Variants in CPT1A observed in about 807,000 individuals in gnomAD.
CPT1A encodes carnitine palmitoyltransferase 1A.
Under a neutral mutation model 100.8 loss-of-function variants are expected in CPT1A, and 64 were observed. The ratio of observed to expected loss-of-function variants is 0.63; its 90% confidence interval spans 0.52 to 0.78. CPT1A has a LOEUF of 0.78. CPT1A is among the 30% of genes least tolerant of loss of function. The probability of loss-of-function intolerance (pLI) is 0.00; values close to 1 mark genes in which losing one functional copy is unlikely to be tolerated. For synonymous variants in CPT1A, 363 were observed against 396.0 expected (o/e 0.92, Z 0.99); for missense variants, 802 against 1,034.1 (o/e 0.78, Z 3.08).
intron 9 of CPT1A, chr11:68,786,072 A>G (rs1202418846): frequency 1.4e-6 from 1 of 702,208 alleles, no homozygotes; most frequent in Non-Finnish European, 2.6e-6. Context: ...GATTAAAAAT[A>G]GGACAAGCTA....
chr11:68,792,671 C>G (rs1030123756), intron 9 of CPT1A, among the ~76,000 whole-genome samples: 5 of 152,248 alleles, frequency 3.3e-5, no homozygotes, highest in Non-Finnish European at 7.3e-5. Context: ...CACAAATCCA[C>G]CTTTCCGAGC....
chr11:68,762,907 C>A, intron 14 of CPT1A, 146 bp from the exon 15 acceptor site: 1 of 935,340 alleles, frequency 1.1e-6, no homozygotes, highest in South Asian at 1.5e-5. Flanking sequence ...CCCAGGCTGG[C>A]ATGCAGTAGC....
In CPT1A at chr11:68,757,654, G is replaced by A. The variant is rs2153994503; in HGVS notation, c.2312C>T (p.Ser771Phe). 1 of 1,614,084 alleles carries A rather than the reference G, an allele frequency of 6.2e-7. No homozygotes were observed. Among genetic ancestry groups the A allele is most frequent in the Non-Finnish European group, 8.5e-7 (1 of 1,180,006 alleles). Residue 771 changes from serine (S) to phenylalanine (F), a missense_variant, in exon 19 of 19, where the codon TCC (serine) becomes TTC (phenylalanine). By Grantham distance (155) the Ser-to-Phe change is radical (BLOSUM62 -2). Coordinates refer to ENST00000265641, the MANE Select transcript of CPT1A (RefSeq NM_001876.4). Reference protein sequence around the residue: ...IITLFGLSSNSKK With the variant: ...IITLFGLSSNFKK ...GCAGCTCCAGTGGAATTACTTTTTG[G>A]AATTAGAACTGAGACCAAACAAAGT...
At chr11:68,812,603 C>T (rs777832226) in intron 2 of CPT1A, 27 bp from the exon 3 acceptor site, 11 of 1,613,456 alleles carry the variant, frequency 6.8e-6, no homozygotes, top group Admixed American at 6.7e-5. Context: ...GGGCCGTGAG[C>T]GGTGTCCTCC....
At chr11:68,760,199 G>C (rs761512171) in intron 17 of CPT1A, 26 bp downstream of exon 17, 84 of 1,533,698 alleles carry the variant, frequency 5.5e-5, no homozygotes, top group Non-Finnish European at 7.1e-6. Context: ...GCCCCACTGC[G>C]CCTCGCCCAG....
Position 68,812,561 on chromosome 11 carries a change from C to T in CPT1A, c.157G>A (p.Gly53Ser). 6.2e-7 allele frequency: 1 copy of T among 1,614,178 alleles called. No individual in the cohort carries two copies. The highest frequency in any genetic ancestry group is 1.1e-5 in the South Asian group (1 of 91,092). Residue 53 changes from glycine to serine, a missense_variant, in exon 3 of 19, where the codon GGC (glycine) becomes AGC (serine). Gly to Ser is a moderately conservative substitution (Grantham distance 56, BLOSUM62 0). Around this residue, in one of 4 missense-constraint regions of CPT1A, gnomAD observed 161 missense variants for 183.7 expected, o/e 0.88. Transcript: ENST00000265641. ...FIRFKNGIIT[G>S]VYPASPSSWL... ...CTGGAGGGGCTTGCCGGGTACACGC[C>T]AGTGATGATGCCGTTCTAAAGACAG...
At chr11:68,782,621 A>AC (rs1019172847) in intron 10 of CPT1A, among the ~76,000 whole-genome samples, 52 of 152,198 alleles carry the variant, frequency 3.4e-4, no homozygotes, top group African/African-American at 1.1e-3. Flanking sequence ...TTCTTGGAAG[A>AC]CCCACCAGCT....
At chr11:68,802,514 G>A (rs528694623) in intron 5 of CPT1A, among the ~76,000 whole-genome samples, 141 of 151,674 alleles carry the variant, frequency 9.3e-4, no homozygotes, top group Non-Finnish European at 1.7e-3. Context: ...GGCAGATCAC[G>A]AGGTCAGGCG....
chr11:68,826,919 G>A (rs1486287366), intron 1 of CPT1A, among the ~76,000 whole-genome samples: 1 of 152,140 alleles, frequency 6.6e-6, no homozygotes, highest in Non-Finnish European at 1.5e-5. Flanking sequence ...GGTGAGGCAG[G>A]TGAGCAGCTG....
rs1358487899 is a variant in CPT1A at position 68,755,070 on chromosome 11, C to A, written c.*2574G>T. ...ATTAAACAGATAATACTCTTATCAC[C>A]CCCCTTGGACATGTACAATAAGACC... On this transcript the variant is annotated 3_prime_UTR_variant, in exon 19 of 19. Transcript: ENST00000265641. The A allele has an allele frequency of 3.7e-6, 2 of 540,912 alleles. No homozygotes were observed. The highest frequency in any genetic ancestry group is 6.6e-6 in the Non-Finnish European group (2 of 302,874). The allele number at this position is 540,912 out of a possible 1,614,324, so 33.5% of individuals were successfully genotyped here. A position where few individuals can be genotyped will look rare whatever the true frequency, so the allele number is the denominator to read the frequency against.
At chr11:68,812,944 C>A (rs556015969) in intron 2 of CPT1A, among the ~76,000 whole-genome samples, 31 of 151,904 alleles carry the variant, frequency 2.0e-4, no homozygotes, top group African/African-American at 6.8e-4. Context: ...CCCGAGACCC[C>A]GGTTCCAAAA....
rs1448703128 is a variant in CPT1A at position 68,794,800 on chromosome 11, C to G, written c.879+4G>C. 1.9e-6 allele frequency: 3 copies of G among 1,611,110 alleles called. No homozygotes were observed. The highest frequency in any genetic ancestry group is 1.7e-6 in the Non-Finnish European group (2 of 1,177,386). Reference sequence around the variant, plus strand: ...AATTTTTTTAAAGCAATTTGTTTGCCTACTGGTTTGATTTCCTCCCGGTCC... The same window carrying G: ...AATTTTTTTAAAGCAATTTGTTTGCGTACTGGTTTGATTTCCTCCCGGTCC... On this transcript the variant is annotated splice_donor_region_variant and intron_variant, in intron 8 of 18. Coordinates refer to ENST00000265641, the MANE Select transcript of CPT1A (RefSeq NM_001876.4).
rs549701631 is a variant in CPT1A at position 68,769,920 on chromosome 11, G to A, written c.1740+3345C>T. On this transcript the variant is annotated intron_variant, in intron 14 of 18. Transcript: ENST00000265641. ...AAAAATTAGCCAGGTGTGGTGGCAG[G>A]CACCTGTAGTTTCAGCTACTCGAGG... 1.4e-4 allele frequency among the ~76,000 whole-genome samples: 22 copies of A among 152,170 alleles called. 1 individual carries two copies. The South Asian group carries it at 4.6e-3, about 32-fold the overall frequency.
intron 1 of CPT1A, among the ~76,000 whole-genome samples, chr11:68,820,379 A>G (rs552335641): frequency 6.6e-6 from 1 of 152,044 alleles, no homozygotes; most frequent in East Asian, 2.0e-4. Context: ...CACCATCTGA[A>G]AATATTAAAT....
In CPT1A at chr11:68,794,268, G is replaced by A. The variant is rs183921110; in HGVS notation, c.879+536C>T. ...GACAGATAGTAGACCAGGGGGTCCA[G>A]GACCAGGTGGGAGGGAGAGATGACA... On this transcript the variant is annotated intron_variant, in intron 8 of 18. Coordinates refer to ENST00000265641, the MANE Select transcript of CPT1A (RefSeq NM_001876.4). 2.6e-4 allele frequency among the ~76,000 whole-genome samples: 39 copies of A among 152,324 alleles called. 1 individual carries two copies. The highest frequency in any genetic ancestry group is 2.4e-3 in the Admixed American group (36 of 15,290).
intron 14 of CPT1A, among the ~76,000 whole-genome samples, chr11:68,771,426 C>A (rs767470186): frequency 6.6e-6 from 1 of 152,206 alleles, no homozygotes; most frequent in Non-Finnish European, 1.5e-5. Flanking sequence ...TCATACTGCA[C>A]GTTTACGGGC....
intron 1 of CPT1A, among the ~76,000 whole-genome samples, chr11:68,839,139 C>T (rs1366698759): frequency 1.3e-5 from 2 of 152,184 alleles, no homozygotes; most frequent in Non-Finnish European, 2.9e-5. Flanking sequence ...CAATAATAAC[C>T]ATGCAGAGTG....
Position 68,781,882 on chromosome 11 carries a change from G to C in CPT1A, c.1241C>G (p.Ala414Gly). The change falls in exon 11 of 19, where the codon GCA (alanine) becomes GGA (glycine). Residue 414 changes from alanine (A) to glycine (G), a missense_variant. Around this residue, in one of 4 missense-constraint regions of CPT1A, gnomAD observed 627 missense variants for 799.3 expected, o/e 0.78. Coordinates refer to ENST00000265641, the MANE Select transcript of CPT1A (RefSeq NM_001876.4). ...TTCATCTAACGTCACAAAGAACGCTGCTTTCTCCACAGCATCAAGAGACTG... is the reference window on the plus strand; with the variant it reads ...TTCATCTAACGTCACAAAGAACGCTCCTTTCTCCACAGCATCAAGAGACTG... ...NKQSLDAVEK[A>G]AFFVTLDETE... 6.2e-7 allele frequency: 1 copy of C among 1,614,144 alleles called. No homozygotes were observed. The highest frequency in any genetic ancestry group is 8.5e-7 in the Non-Finnish European group (1 of 1,180,000).
At position 68,804,021 on chromosome 11, in the gene CPT1A, A is replaced by G. The variant is rs2154000549; in HGVS notation, c.534T>C (p.Ala178=). The change falls in exon 5 of 19, where the codon GCT becomes GCC. Residue 178 remains alanine, a synonymous_variant. Transcript: ENST00000265641. The part of the protein sequence containing the change: ...QTSLPRLPVP[A]VKDTVNRYLQ... Reference sequence around the variant, plus strand: ...CTACCCTGTTCACAGTGTCTTTGACAGCCGGGACCGGCAGGCGAGGCAGCG... The same window carrying G: ...CTACCCTGTTCACAGTGTCTTTGACGGCCGGGACCGGCAGGCGAGGCAGCG... 6.2e-7 allele frequency: 1 copy of G among 1,614,036 alleles called. No individual in the cohort carries two copies. The highest frequency in any genetic ancestry group is 1.6e-4 in the Middle Eastern group (1 of 6,062).
Sources: gnomAD v4.1 joint callset for allele counts (sites outside exome capture counted in the v4.1 genomes callset) on GRCh38, gnomAD v4.1.1 for gene constraint, gnomAD v4.1.1 regional missense constraint, MANE v1.5 for transcripts, NCBI Gene and HGNC (gene_info 2026-07-23, HGNC 2026-07-21) for gene names.